Variants in RAPH1 observed in about 807,000 individuals in gnomAD.
RAPH1 encodes ras-associated and pleckstrin homology domains-containing protein 1.
RAPH1 carries 18 observed loss-of-function variants against 88.1 expected under a neutral mutation model. That is an observed-to-expected ratio of 0.20 (90% CI 0.14 to 0.30). The LOEUF is 0.30. Ranked by LOEUF, RAPH1 falls within the 10% of genes least tolerant of loss-of-function variation. The pLI, the probability that RAPH1 is intolerant of heterozygous loss-of-function variation, is 1.00. For synonymous variants in RAPH1, 587 were observed against 559.0 expected, an observed-to-expected ratio of 1.05 and a Z score of -0.71; for missense variants, 1,448 against 1,543.2, an observed-to-expected ratio of 0.94 and a Z score of 1.03.
chr2:203,526,377 G>A (rs1396661445), intron 1 of RAPH1, among the ~76,000 whole-genome samples: 1 of 152,100 alleles, frequency 6.6e-6, no homozygotes, highest in Non-Finnish European at 1.5e-5. Flanking sequence ...TTTCCAATTA[G>A]TATTAGAACC....
At chr2:203,473,169 C>T (rs944398632) in intron 4 of RAPH1, among the ~76,000 whole-genome samples, 3 of 152,136 alleles carry the variant, frequency 2.0e-5, no homozygotes, top group Non-Finnish European at 4.4e-5. Flanking sequence ...AACTGTAATC[C>T]CAGCTACTCA....
intron 1 of RAPH1, among the ~76,000 whole-genome samples, chr2:203,534,141 C>T (rs553901077): frequency 1.3e-5 from 2 of 152,300 alleles, no homozygotes; most frequent in African/African-American, 2.4e-5. Flanking sequence ...CTTTACTGTT[C>T]CTTAACGGTG....
intron 1 of RAPH1, among the ~76,000 whole-genome samples, chr2:203,497,810 T>C (rs1033402024): frequency 6.6e-6 from 1 of 152,210 alleles, no homozygotes; most frequent in African/African-American, 2.4e-5. Context: ...AACAATATTA[T>C]TTCTAAGATT....
chr2:203,509,066 ATTT>A (rs34628795), intron 1 of RAPH1, among the ~76,000 whole-genome samples: 115 of 120,476 alleles, frequency 9.5e-4, no homozygotes, highest in Middle Eastern at 5.0e-3. Context: ...TTAAAAAATA[ATTT>A]TTTTTTTTTT....
At chr2:203,533,813 C>T (rs1690494732) in intron 1 of RAPH1, among the ~76,000 whole-genome samples, 1 of 152,068 alleles carries the variant, frequency 6.6e-6, no homozygotes, top group Non-Finnish European at 1.5e-5. Flanking sequence ...AGGCAAGGTG[C>T]TACGCATTTT....
intron 4 of RAPH1, among the ~76,000 whole-genome samples, chr2:203,476,368 G>A (rs948307641): frequency 6.6e-5 from 10 of 152,010 alleles, no homozygotes; most frequent in Admixed American, 1.3e-4. Context: ...ATGGGGTTTC[G>A]TCATGTTGGC....
chr2:203,467,006 A>G (rs1245306365), intron 4 of RAPH1, among the ~76,000 whole-genome samples: 1 of 152,238 alleles, frequency 6.6e-6, no homozygotes, highest in Non-Finnish European at 1.5e-5. Flanking sequence ...GGGGCTAAAC[A>G]GTGGTTAAGA....
chr2:203,491,208 T>A lies in RAPH1; in HGVS notation c.226+6A>T. 1 of 1,574,414 alleles carries A rather than the reference T, an allele frequency of 6.4e-7. No individual in the cohort carries two copies. The highest frequency in any genetic ancestry group is 8.7e-7 in the Non-Finnish European group (1 of 1,144,452). On this transcript the variant is annotated splice_donor_region_variant and intron_variant, in intron 3 of 13. Transcript: ENST00000319170. ...ATTTTACATTTTATTTCCAATTACA[T>A]CTTACCATTCAAGTTGTATATGGAG...
chr2:203,531,260 TG>T (rs1690375914), intron 1 of RAPH1, among the ~76,000 whole-genome samples: 1 of 136,302 alleles, frequency 7.3e-6, no homozygotes, highest in African/African-American at 2.8e-5. Flanking sequence ...GTTTGGGGAG[TG>T]GGGGGCTGGG....
In RAPH1 at chr2:203,440,914, G is replaced by A. The variant is rs756675318; in HGVS notation, c.2276C>T (p.Ala759Val). The A allele has an allele frequency of 1.2e-5, 18 of 1,526,698 alleles. No individual in the cohort carries two copies. The Admixed American group carries it at 2.8e-4, about 24-fold the overall frequency. The allele number at this position is 1,526,698 out of a possible 1,614,324, so 94.6% of individuals were successfully genotyped here. The change falls in exon 14 of 14, where the codon GCT (alanine) becomes GTT (valine). Residue 759 changes from alanine to valine, a missense_variant. Around this residue, in one of 2 missense-constraint regions of RAPH1, gnomAD observed 935 missense variants for 890.1 expected, o/e 1.05. Coordinates refer to ENST00000319170, the MANE Select transcript of RAPH1 (RefSeq NM_213589.3). Reference protein sequence around the residue: ...IHQVQHITQVAPPTPPPPPPI... With the variant: ...IHQVQHITQVVPPTPPPPPPI... ...AGGAGGTGGGGGGGGTGTTGGGGGA[G>A]CCACCTGAGTAATATGCTGAACTTG...
intron 4 of RAPH1, among the ~76,000 whole-genome samples, chr2:203,478,735 C>T (rs1023992615): frequency 2.0e-5 from 3 of 152,140 alleles, no homozygotes; most frequent in African/African-American, 7.2e-5. Flanking sequence ...GTGATCTGCC[C>T]ACCTCCACCT....
Position 203,444,946 on chromosome 2 carries a change from G to A in RAPH1, c.1698C>T (p.His566=), listed in dbSNP as rs1373512824. ...AGCTCACAATGCTCTGGGAACGGACGTGTCCTGCTGGCTGGGTGTCAGAAA... is the reference window on the plus strand; with the variant it reads ...AGCTCACAATGCTCTGGGAACGGACATGTCCTGCTGGCTGGGTGTCAGAAA... ...SGVSDTQPAG[H]VRSQSIVSSV... The change falls in exon 13 of 14, where the codon CAC becomes CAT. Residue 566 remains histidine (H), a synonymous_variant. Transcript: ENST00000319170. The A allele has an allele frequency of 9.9e-6, 16 of 1,613,996 alleles. No homozygotes were observed. Among genetic ancestry groups the A allele is most frequent in the African/African-American group, 4.0e-5 (3 of 74,914 alleles).
chr2:203,472,607 T>G (rs1173907457), intron 4 of RAPH1, among the ~76,000 whole-genome samples: 1 of 152,210 alleles, frequency 6.6e-6, no homozygotes, highest in Non-Finnish European at 1.5e-5. Context: ...ATTACTTTCT[T>G]GAAAACTTAC....
At position 203,434,074 on chromosome 2, in the gene RAPH1, A is replaced by G. The variant is rs928582159; in HGVS notation, c.*5363T>C. Reference sequence around the variant, plus strand: ...TATCTATCTATATATATATATATATATATATAGCTTTGCACAATCAGGGAG... The same window carrying G: ...TATCTATCTATATATATATATATATGTATATAGCTTTGCACAATCAGGGAG... On this transcript the variant is annotated 3_prime_UTR_variant, in exon 14 of 14. Coordinates refer to ENST00000319170, the MANE Select transcript of RAPH1 (RefSeq NM_213589.3). 2.7e-5 allele frequency: 4 copies of G among 150,938 alleles called. No homozygotes were observed. Among genetic ancestry groups the G allele is most frequent in the African/African-American group, 7.3e-5 (3 of 40,966 alleles). 9.3% of individuals were successfully genotyped at this position (150,938 alleles called of 1,614,324 possible). A position where few individuals can be genotyped will look rare whatever the true frequency, so the allele number is the denominator to read the frequency against.
intron 8 of RAPH1, among the ~76,000 whole-genome samples, chr2:203,455,872 G>A (rs546815318): frequency 1.8e-3 from 271 of 151,096 alleles, no homozygotes; most frequent in Non-Finnish European, 3.2e-3. Context: ...AGCCAGGCAT[G>A]GTGGCGCGAG....
chr2:203,509,206 G>A (rs1326800432), intron 1 of RAPH1, among the ~76,000 whole-genome samples: 1 of 151,218 alleles, frequency 6.6e-6, no homozygotes, highest in South Asian at 2.1e-4. Context: ...GAGTAGCTGG[G>A]ATTACAGGTG....
intron 1 of RAPH1, among the ~76,000 whole-genome samples, chr2:203,519,960 C>G (rs150996595): frequency 4.7e-4 from 72 of 152,256 alleles, no homozygotes; most frequent in African/African-American, 1.7e-3. Context: ...TGCTTTTAGT[C>G]AAAATTCTTT....
intron 2 of RAPH1, among the ~76,000 whole-genome samples, chr2:203,493,644 G>C (rs1449180027): frequency 1.3e-5 from 2 of 152,102 alleles, no homozygotes; most frequent in Non-Finnish European, 2.9e-5. Flanking sequence ...GAGATGAAGG[G>C]AATGATACCT....
intron 2 of RAPH1, among the ~76,000 whole-genome samples, chr2:203,493,778 C>G (rs962652846): frequency 6.6e-6 from 1 of 151,866 alleles, no homozygotes; most frequent in Non-Finnish European, 1.5e-5. Flanking sequence ...TCAAGATCAG[C>G]TTGGCTAACA....
Sources: allele counts gnomAD v4.1 joint callset (sites outside exome capture counted in the v4.1 genomes callset), GRCh38; gene constraint gnomAD v4.1.1; regional missense constraint gnomAD v4.1.1; transcripts MANE v1.5; gene names NCBI Gene and HGNC (gene_info 2026-07-23, HGNC 2026-07-21).